ADGRG3: variants seen among roughly 807,000 people sequenced by gnomAD.
The protein encoded by ADGRG3 is G protein-coupled receptor 97.
A neutral mutation model predicts 54.3 loss-of-function variants in ADGRG3; 39 were observed. That is an observed-to-expected ratio of 0.72 (90% confidence interval 0.56 to 0.94). ADGRG3 has a LOEUF of 0.94. Ranked by LOEUF, ADGRG3 falls within the 40% of genes least tolerant of loss-of-function variation. The probability of loss-of-function intolerance (pLI) is 0.00; values close to 1 mark genes in which losing one functional copy is unlikely to be tolerated. For synonymous variants in ADGRG3, 312 were observed against 290.0 expected (o/e 1.08, Z -0.77); for missense variants, 654 against 694.6 (o/e 0.94, Z 0.66).
chr16:57,666,085 G>T (rs902785388), upstream of ADGRG3, among the ~76,000 whole-genome samples: 1 of 152,100 alleles, frequency 6.6e-6, no homozygotes, highest in Non-Finnish European at 1.5e-5. Context: ...CCCAGTGTCC[G>T]GATTGGGCAG....
rs539168900 is a variant in ADGRG3, at chr16:57,682,865, G to A, written c.882-1067G>A. On this transcript the variant is annotated intron_variant, in intron 8 of 11. Transcript: ENST00000333493. ...AGCCTCACTCTCCTACTGCATTTTC[G>A]GCTTCATGCATCCACCCATCTGTCC... 1.7e-4 allele frequency among the ~76,000 whole-genome samples: 26 copies of A among 152,246 alleles called. 1 individual carries two copies. The highest frequency in any genetic ancestry group is 3.4e-3 in the Middle Eastern group (1 of 294).
intron 1 of ADGRG3, 66 bp downstream of exon 1, chr16:57,668,471 T>C: frequency 7.1e-7 from 1 of 1,402,618 alleles, no homozygotes; most frequent in Middle Eastern, 1.9e-4. Flanking sequence ...GAGGGAGGGA[T>C]CCAGGGACAG....
Position 57,679,875 on chromosome 16 carries a change from C to T in ADGRG3, c.667+20C>T. The T allele has an allele frequency of 6.3e-7, 1 of 1,597,108 alleles. No individual in the cohort carries two copies. The highest frequency in any genetic ancestry group is 8.6e-7 in the Non-Finnish European group (1 of 1,164,622). On this transcript the variant is annotated intron_variant, in intron 6 of 11. Transcript: ENST00000333493. ...CTAAAGGTAGGGCCCGGAGGACCTT[C>T]TCTGGGGTAAGACAGGAAGGGAGGG...
chr16:57,668,223 G>A (rs1400775843), upstream of ADGRG3: 3 of 740,346 alleles, frequency 4.1e-6, no homozygotes, highest in Admixed American at 2.5e-5. Context: ...CAGGAAGGGT[G>A]AGAAAGAGGA....
At chr16:57,676,410 GA>G in intron 3 of ADGRG3, 72 bp downstream of exon 3, 1 of 1,445,034 alleles carries the variant, frequency 6.9e-7, no homozygotes, top group Non-Finnish European at 9.7e-7. Flanking sequence ...AAAACTCTAA[GA>G]GAGTTATATC....
intron 4 of ADGRG3, chr16:57,678,917 A>C (rs1438575935): frequency 9.3e-6 from 5 of 539,208 alleles, no homozygotes; most frequent in Non-Finnish European, 1.7e-5. Flanking sequence ...AAGAGGGCAG[A>C]GGAGCTCTGG....
At chr16:57,678,381 G>C (rs2048301566) in intron 4 of ADGRG3, 65 bp downstream of exon 4, 1 of 1,527,828 alleles carries the variant, frequency 6.5e-7, no homozygotes, top group African/African-American at 1.4e-5. Context: ...GCCACAGTTT[G>C]CTGTCACTGG....
At chr16:57,670,404 G>T (rs1445893126) in intron 1 of ADGRG3, among the ~76,000 whole-genome samples, 2 of 152,190 alleles carry the variant, frequency 1.3e-5, no homozygotes, top group African/African-American at 4.8e-5. Flanking sequence ...AGGGAGGCCT[G>T]CACCTGGACC....
At chr16:57,666,027 C>T (rs1330470746), upstream of ADGRG3, among the ~76,000 whole-genome samples, 1 of 150,236 alleles carries the variant, frequency 6.7e-6, no homozygotes, top group African/African-American at 2.4e-5. Context: ...TCCTCTTATG[C>T]CCCCAGCTCC....
intron 4 of ADGRG3, 93 bp from the exon 5 acceptor site, chr16:57,679,084 C>G (rs1409981838): frequency 7.5e-6 from 11 of 1,468,450 alleles, no homozygotes; most frequent in African/African-American, 1.4e-5. Context: ...CAAGCAAAGG[C>G]CATGGGTTCC....
chr16:57,670,764 TA>T (rs2048141727), intron 1 of ADGRG3, among the ~76,000 whole-genome samples: 1 of 152,228 alleles, frequency 6.6e-6, no homozygotes, highest in Admixed American at 6.5e-5. Context: ...TCTAAAATGT[TA>T]TTTTTTTACC....
chr16:57,674,112 C>T (rs903694994), intron 2 of ADGRG3, among the ~76,000 whole-genome samples: 6 of 151,956 alleles, frequency 3.9e-5, no homozygotes, highest in Admixed American at 6.6e-5. Context: ...GTCAACTCTG[C>T]GTTTTGGAAT....
chr16:57,680,384 C>A lies in ADGRG3; in HGVS notation c.768+19C>A. 6.2e-7 allele frequency: 1 copy of A among 1,603,178 alleles called. No individual in the cohort carries two copies. The highest frequency in any genetic ancestry group is 8.5e-7 in the Non-Finnish European group (1 of 1,170,358). On this transcript the variant is annotated intron_variant, in intron 7 of 11. Coordinates refer to ENST00000333493, the MANE Select transcript of ADGRG3 (RefSeq NM_170776.5). ...GCTCCTGGTAACAGCCCCCTCCACTCTGATCCCAGCCATCCCAGGGGCTTC... is the reference window on the plus strand; with the variant it reads ...GCTCCTGGTAACAGCCCCCTCCACTATGATCCCAGCCATCCCAGGGGCTTC...
At position 57,687,250 on chromosome 16, in the gene ADGRG3, CTT is replaced by C. The variant is rs66743360; in HGVS notation, c.1541-1089_1541-1088del. ...GATAATCCCGTACTTATCTCACCAG[CTT>C]TTTTTTTTTTTTAATTGAGATGGAG... On this transcript the variant is annotated intron_variant, in intron 11 of 11. Coordinates refer to ENST00000333493, the MANE Select transcript of ADGRG3 (RefSeq NM_170776.5). Among the ~76,000 whole-genome samples the C allele has an allele frequency of 7.2e-3, 1,054 of 146,994 alleles. 30 individuals carry two copies. The East Asian group carries it at 0.097, about 14-fold the overall frequency.
At chr16:57,684,573 A>C (rs2048439123) in intron 10 of ADGRG3, 90 bp downstream of exon 10, 2 of 884,298 alleles carry the variant, frequency 2.3e-6, no homozygotes, top group East Asian at 5.1e-5. Context: ...AGGGATTTCT[A>C]GGAAAATCTA....
At position 57,676,313 on chromosome 16, in the gene ADGRG3, T is replaced by C. The variant is rs2048262882; in HGVS notation, c.320T>C (p.Phe107Ser). ...QNLSTNTAED[F>S]YFSLEPSQVP... ...CTCAGCACCAACACTGCAGAAGACT[T>C]CTATTTCTCTCTGGAGCCCTCTCAG... Residue 107 changes from phenylalanine (F) to serine (S), a missense_variant, in exon 3 of 12, where the codon TTC (phenylalanine) becomes TCC (serine). By Grantham distance (155) the Phe-to-Ser change is radical (BLOSUM62 -2). Coordinates refer to ENST00000333493, the MANE Select transcript of ADGRG3 (RefSeq NM_170776.5). The C allele has an allele frequency of 1.2e-6, 2 of 1,614,150 alleles. No individual in the cohort carries two copies. The highest frequency in any genetic ancestry group is 1.7e-6 in the Non-Finnish European group (2 of 1,180,000).
upstream of ADGRG3, chr16:57,668,234 C>A: frequency 1.2e-6 from 1 of 808,864 alleles, no homozygotes; most frequent in South Asian, 1.6e-5. Flanking sequence ...AGAAAGAGGA[C>A]ACAGGAAGCC....
intron 2 of ADGRG3, among the ~76,000 whole-genome samples, 182 bp from the exon 3 acceptor site, chr16:57,676,018 A>G (rs941079380): frequency 6.6e-6 from 1 of 152,226 alleles, no homozygotes; most frequent in Admixed American, 6.5e-5. Flanking sequence ...ACTCAGAGGG[A>G]CGCCTAGCTG....
At chr16:57,665,794 G>T (rs2048040729), upstream of ADGRG3, among the ~76,000 whole-genome samples, 2 of 152,268 alleles carry the variant, frequency 1.3e-5, no homozygotes, top group South Asian at 4.1e-4. Context: ...GGCCACTCTA[G>T]GGGGATGCCC....
Sources: allele counts gnomAD v4.1 joint callset (sites outside exome capture counted in the v4.1 genomes callset), GRCh38; gene constraint gnomAD v4.1.1; transcripts MANE v1.5; gene names NCBI Gene and HGNC (gene_info 2026-07-23, HGNC 2026-07-21).